MAJIN: variants seen among roughly 807,000 people sequenced by gnomAD.
MAJIN encodes membrane anchored junction protein.
In MAJIN, 27 loss-of-function variants were observed where a neutral mutation model predicts 30.2. The observed-to-expected ratio is 0.89, with a 90% CI of 0.66 to 1.23. The LOEUF is 1.23. MAJIN is among the 50% of genes most tolerant of loss of function. MAJIN has a pLI of 0.00. For synonymous variants in MAJIN, 78 were observed against 91.6 expected, an observed-to-expected ratio of 0.85 and a Z score of 0.85; for missense variants, 253 against 260.3, an observed-to-expected ratio of 0.97 and a Z score of 0.19.
At chr11:64,949,925 T>C (rs1945523632) in intron 5 of MAJIN, 57 bp from the exon 6 acceptor site, 2 of 1,574,576 alleles carry the variant, frequency 1.3e-6, no homozygotes, top group African/African-American at 1.3e-5. Context: ...CTAAGTACTA[T>C]TTTAGGGATG....
At chr11:64,951,179 A>G (rs1945545497) in intron 4 of MAJIN, among the ~76,000 whole-genome samples, 1 of 152,218 alleles carries the variant, frequency 6.6e-6, no homozygotes, top group Admixed American at 6.5e-5. Flanking sequence ...TATGGTGTCT[A>G]CCATCATGAA....
chr11:64,952,935 C>T (rs1257857167), intron 4 of MAJIN, among the ~76,000 whole-genome samples: 1 of 152,048 alleles, frequency 6.6e-6, no homozygotes, highest in African/African-American at 2.4e-5. Flanking sequence ...AAACTCCTGA[C>T]CTCAGGTGAT....
chr11:64,961,094 C>T (rs2136801698), intron 1 of MAJIN, among the ~76,000 whole-genome samples: 1 of 152,228 alleles, frequency 6.6e-6, no homozygotes. Flanking sequence ...AGGCGGTGAG[C>T]CCACCTGGTT....
In MAJIN at chr11:64,939,718, C is replaced by T. The variant is rs538741040; in HGVS notation, c.596G>A (p.Ser199Asn). The change falls in exon 10 of 11, where the codon AGC (serine) becomes AAC (asparagine). Residue 199 changes from serine to asparagine, a missense_variant. Transcript: ENST00000301896. ...GCTCCTTAGGTGGAGGTGAGTTGTG[C>T]TGCAGGGGTGGGACAATTCGCCCTG... is the stretch of plus-strand genomic sequence containing the variant. ...ACQGELSHPC[S>N]TTHLHLRSEQ... The T allele has an allele frequency of 8.4e-5, 136 of 1,614,088 alleles. 3 individuals carry two copies. In the South Asian group the frequency reaches 1.5e-3, roughly 17 times the overall value.
Position 64,967,263 on chromosome 11 carries a change from C to T in MAJIN, c.-65+4614G>A, listed in dbSNP as rs1267287349. Among the ~76,000 whole-genome samples the T allele has an allele frequency of 5.3e-5, 8 of 151,278 alleles. 1 individual carries two copies. Among genetic ancestry groups the T allele is most frequent in the Admixed American group, 4.6e-4 (7 of 15,158 alleles). ...CCTCTACTAGAATATAAAAATTAAC[C>T]GGGCGTGGTGGTGGCGCCTGTAATC... On this transcript the variant is annotated intron_variant, in intron 1 of 10. Coordinates refer to ENST00000301896, the MANE Select transcript of MAJIN (RefSeq NM_001037225.3).
Position 64,969,283 on chromosome 11 carries a change from G to A in MAJIN, c.-65+2594C>T, listed in dbSNP as rs188292818. ...GTGTGTAAGGGACAGAAATCAGAAC[G>A]GAAATATACATTTGAGTCACCAGTG... On this transcript the variant is annotated intron_variant, in intron 1 of 10. Coordinates refer to ENST00000301896, the MANE Select transcript of MAJIN (RefSeq NM_001037225.3). Among the ~76,000 whole-genome samples, 18 of 152,238 alleles carry A rather than the reference G, an allele frequency of 1.2e-4. 1 individual carries two copies. The highest frequency in any genetic ancestry group is 7.2e-4 in the Admixed American group (11 of 15,280).
intron 8 of MAJIN, among the ~76,000 whole-genome samples, chr11:64,942,768 G>T (rs1414334162): frequency 1.3e-5 from 2 of 152,232 alleles, no homozygotes; most frequent in Non-Finnish European, 2.9e-5. Context: ...CTTTTCTATA[G>T]AGAGTGGAGA....
At chr11:64,962,175 T>C (rs908415470) in intron 1 of MAJIN, among the ~76,000 whole-genome samples, 3 of 152,130 alleles carry the variant, frequency 2.0e-5, no homozygotes, top group Admixed American at 1.3e-4. Context: ...TGAAGGACAT[T>C]TGCTGGAAAT....
intron 1 of MAJIN, among the ~76,000 whole-genome samples, chr11:64,962,974 AAAAT>A (rs1429143469): frequency 6.6e-6 from 1 of 152,076 alleles, no homozygotes; most frequent in Admixed American, 6.5e-5. Flanking sequence ...TAAAAATACA[AAAAT>A]TGGCCGGGCG....
At chr11:64,946,866 C>A (rs544971080) in intron 8 of MAJIN, among the ~76,000 whole-genome samples, 2 of 152,262 alleles carry the variant, frequency 1.3e-5, no homozygotes, top group African/African-American at 2.4e-5. Flanking sequence ...ACTCAACATT[C>A]CCCCTAATAT....
At chr11:64,951,556 G>C (rs1945550980) in intron 4 of MAJIN, among the ~76,000 whole-genome samples, 1 of 152,118 alleles carries the variant, frequency 6.6e-6, no homozygotes, top group South Asian at 2.1e-4. Flanking sequence ...CTTGAGCCCG[G>C]GAGTTCAAGA....
At chr11:64,970,578 G>A (rs1945884469) in intron 1 of MAJIN, among the ~76,000 whole-genome samples, 1 of 150,976 alleles carries the variant, frequency 6.6e-6, no homozygotes, top group Non-Finnish European at 1.5e-5. Context: ...TGTTGGCCAG[G>A]ATAATCTCCA....
intron 4 of MAJIN, 59 bp downstream of exon 4, chr11:64,954,698 G>C: frequency 6.5e-7 from 1 of 1,528,532 alleles, no homozygotes; most frequent in Admixed American, 1.7e-5. Context: ...ATTAAAACCT[G>C]AATGTGGATG....
Position 64,972,077 on chromosome 11 carries a change from A to C in MAJIN, c.-265T>G, listed in dbSNP as rs1419596909. The C allele has an allele frequency of 6.6e-6, 1 of 152,086 alleles. No homozygotes were observed. The highest frequency in any genetic ancestry group is 6.5e-5 in the Admixed American group (1 of 15,274). 9.4% of individuals were successfully genotyped at this position (152,086 alleles called of 1,614,324 possible). On this transcript the variant is annotated 5_prime_UTR_variant, in exon 1 of 11. Transcript: ENST00000301896. ...AGCAACTTCGGGGCTCGTGCCGCGC[A>C]CCCACCAGGCCTTCTGCGCACGCGC... is the stretch of plus-strand genomic sequence containing the variant.
chr11:64,964,548 G>A (rs1428573297), intron 1 of MAJIN, among the ~76,000 whole-genome samples: 5 of 151,852 alleles, frequency 3.3e-5, no homozygotes, highest in Admixed American at 6.6e-5. Flanking sequence ...ACCACTCTGC[G>A]TGACAAAGGC....
At chr11:64,939,624 T>C (rs1945342864) in intron 10 of MAJIN, 38 bp downstream of exon 10, 1 of 1,569,610 alleles carries the variant, frequency 6.4e-7, no homozygotes, top group Non-Finnish European at 8.8e-7. Flanking sequence ...CGCTCTGAGC[T>C]GGATCTCGAG....
At chr11:64,948,665 T>C (rs1945501166) in intron 6 of MAJIN, among the ~76,000 whole-genome samples, 1 of 81,686 alleles carries the variant, frequency 1.2e-5, no homozygotes, top group Non-Finnish European at 2.4e-5. Context: ...TTTTTTTTTT[T>C]TTTTTTTTTC....
rs773591860 is a variant in MAJIN, at chr11:64,959,309, T to C, written c.97A>G (p.Ile33Val). The change falls in exon 3 of 11, where the codon ATC becomes GTC. Residue 33 changes from isoleucine (I) to valine (V), a missense_variant. Coordinates refer to ENST00000301896, the MANE Select transcript of MAJIN (RefSeq NM_001037225.3). ...CCCTCCTACCTTTGAAATTACCTGA[T>C]ACTCTTCCCATATCTGATTTTGAAT... ...YKFKIRYGKSIRGEEIENKEV... is the reference protein window; with the variant it reads ...YKFKIRYGKSVRGEEIENKEV... 5 of 1,611,082 alleles carry C rather than the reference T, an allele frequency of 3.1e-6. No homozygotes were observed. Among genetic ancestry groups the C allele is most frequent in the Non-Finnish European group, 3.4e-6 (4 of 1,177,258 alleles).
At chr11:64,954,517 G>A (rs1351759982) in intron 4 of MAJIN, 23 of 609,972 alleles carry the variant, frequency 3.8e-5, no homozygotes, top group Middle Eastern at 2.6e-4. Flanking sequence ...GGAAACTGGT[G>A]AAAACAAAAA....
Sources: gnomAD v4.1 joint callset for allele counts (sites outside exome capture counted in the v4.1 genomes callset) on GRCh38, gnomAD v4.1.1 for gene constraint, MANE v1.5 for transcripts, NCBI Gene and HGNC (gene_info 2026-07-23, HGNC 2026-07-21) for gene names.